SNTG1: variants seen among roughly 807,000 people sequenced by gnomAD.
SNTG1 encodes the protein syntrophin gamma 1.
SNTG1 carries 39 observed loss-of-function variants against 74.7 expected under a neutral mutation model. The observed-to-expected ratio is 0.52, with a 90% CI of 0.40 to 0.68. The LOEUF (loss-of-function observed/expected upper bound fraction) is 0.68, where lower values mean the gene tolerates loss of function less well. Among genes scored for constraint, SNTG1 ranks in the 30% least tolerant of loss-of-function variants. The probability of loss-of-function intolerance (pLI) is 0.00; values close to 1 mark genes in which losing one functional copy is unlikely to be tolerated. For synonymous variants in SNTG1, 254 were observed against 217.1 expected, an observed-to-expected ratio of 1.17 and a Z score of -1.49; for missense variants, 685 against 609.5, an observed-to-expected ratio of 1.12 and a Z score of -1.30.
intron 18 of SNTG1, among the ~76,000 whole-genome samples, chr8:50,764,249 A>G (rs1447650787): frequency 6.6e-6 from 1 of 151,950 alleles, no homozygotes; most frequent in Non-Finnish European, 1.5e-5. Flanking sequence ...AACAATAGCA[A>G]CAACAACAAA....
At chr8:49,916,345 C>T (rs192790874) in intron 1 of SNTG1, among the ~76,000 whole-genome samples, 353 of 152,190 alleles carry the variant, frequency 2.3e-3, no homozygotes, top group South Asian at 4.4e-3. Flanking sequence ...TCAGCACATT[C>T]TACACACTGA....
intron 1 of SNTG1, among the ~76,000 whole-genome samples, chr8:50,087,074 G>A (rs2131123124): frequency 6.6e-6 from 1 of 152,244 alleles, no homozygotes; most frequent in East Asian, 1.9e-4. Context: ...TCAGCTTGAG[G>A]TATTACACCA....
At chr8:50,145,579 C>A (rs2081831045) in intron 1 of SNTG1, among the ~76,000 whole-genome samples, 1 of 152,134 alleles carries the variant, frequency 6.6e-6, no homozygotes, top group African/African-American at 2.4e-5. Flanking sequence ...ACTGCATTTA[C>A]TGTCTTACAG....
rs532097457 is a variant in SNTG1, at chr8:50,280,388, G to A, written c.-28+107753G>A. 1.4e-4 allele frequency among the ~76,000 whole-genome samples: 22 copies of A among 152,322 alleles called. No homozygotes were observed. In the South Asian group the frequency reaches 4.6e-3, roughly 32 times the overall value. On this transcript the variant is annotated intron_variant, in intron 2 of 18. Transcript: ENST00000642720. ...TCTTTTGCAATTTAAATGTCTCAAT[G>A]TTCCAGTGAACTTTCTGAATGACCT...
intron 8 of SNTG1, chr8:50,491,342 T>A (rs2093851460): frequency 6.6e-6 from 1 of 152,310 alleles, no homozygotes; most frequent in Non-Finnish European, 1.5e-5. Context: ...GTACACTTTA[T>A]TATTGGAAAG....
chr8:50,105,049 C>T (rs2080311883), intron 1 of SNTG1, among the ~76,000 whole-genome samples: 1 of 152,054 alleles, frequency 6.6e-6, no homozygotes, highest in South Asian at 2.1e-4. Context: ...TTAATTAGGT[C>T]ATATTTGTCA....
intron 2 of SNTG1, among the ~76,000 whole-genome samples, chr8:50,175,379 T>C (rs1485605931): frequency 6.6e-6 from 1 of 152,178 alleles, no homozygotes; most frequent in Non-Finnish European, 1.5e-5. Flanking sequence ...ACCTCCAGAC[T>C]AAATGGATAT....
At chr8:50,780,787 T>G (rs1344878335) in intron 18 of SNTG1, among the ~76,000 whole-genome samples, 1 of 152,216 alleles carries the variant, frequency 6.6e-6, no homozygotes, top group Non-Finnish European at 1.5e-5. Context: ...TTCTTTTAAT[T>G]GTGATGTTAG....
intron 1 of SNTG1, among the ~76,000 whole-genome samples, chr8:49,917,232 C>T (rs986426104): frequency 2.0e-5 from 3 of 152,084 alleles, no homozygotes; most frequent in Admixed American, 6.5e-5. Flanking sequence ...AATTTAACTG[C>T]TCAGCTATAT....
chr8:50,391,721 A>G (rs961694071), intron 2 of SNTG1, among the ~76,000 whole-genome samples: 6 of 151,970 alleles, frequency 3.9e-5, no homozygotes, highest in Admixed American at 3.9e-4. Context: ...TGGTTGGTAG[A>G]CTATTAATTA....
intron 2 of SNTG1, among the ~76,000 whole-genome samples, chr8:50,324,098 G>A (rs2090639180): frequency 6.6e-6 from 1 of 152,144 alleles, no homozygotes; most frequent in Admixed American, 6.5e-5. Context: ...GGACCCCAGA[G>A]CCCTTCAGCC....
intron 15 of SNTG1, among the ~76,000 whole-genome samples, chr8:50,695,342 T>C (rs1388972349): frequency 6.6e-6 from 1 of 152,000 alleles, no homozygotes; most frequent in Non-Finnish European, 1.5e-5. Flanking sequence ...ATACCGTTTA[T>C]AATAGATACA....
At chr8:50,474,362 C>T (rs1225276167) in intron 8 of SNTG1, among the ~76,000 whole-genome samples, 2 of 150,770 alleles carry the variant, frequency 1.3e-5, no homozygotes, top group Non-Finnish European at 3.0e-5. Context: ...CTACAATGAA[C>T]TCAAACAAAT....
At position 49,938,608 on chromosome 8, in the gene SNTG1, TTTCTTTC is replaced by T. The variant is rs1312972080; in HGVS notation, c.-103+26380_-103+26386del. On this transcript the variant is annotated intron_variant, in intron 1 of 18. Transcript: ENST00000642720. ...TTTTCTTTTCTTTTCTTTTCTTTTCTTTCTTTCTTTCTTTCTTTCTTTCTTTCTTTCT... is the reference window on the plus strand; with the variant it reads ...TTTTCTTTTCTTTTCTTTTCTTTTCTTTTCTTTCTTTCTTTCTTTCTTTCT... Among the ~76,000 whole-genome samples the T allele has an allele frequency of 6.0e-3, 307 of 51,476 alleles. 1 individual carries two copies. Among genetic ancestry groups the T allele is most frequent in the African/African-American group, 0.014 (249 of 18,118 alleles). 33.8% of individuals were successfully genotyped at this position (51,476 alleles called of 152,430 possible).
chr8:50,743,014 T>C (rs1293102692), intron 17 of SNTG1, among the ~76,000 whole-genome samples: 1 of 151,484 alleles, frequency 6.6e-6, no homozygotes, highest in African/African-American at 2.4e-5. Flanking sequence ...ATCATAAATC[T>C]GTCAACAGAG....
chr8:50,592,533 C>T (rs993201521), intron 13 of SNTG1, among the ~76,000 whole-genome samples: 16 of 152,156 alleles, frequency 1.1e-4, no homozygotes, highest in Middle Eastern at 3.4e-3. Context: ...TTGCTTATAC[C>T]CAGGTTTAGA....
intron 1 of SNTG1, among the ~76,000 whole-genome samples, chr8:50,138,672 C>T (rs1260869401): frequency 6.9e-6 from 1 of 145,894 alleles, no homozygotes; most frequent in Non-Finnish European, 1.5e-5. Context: ...AATAATAATT[C>T]CTTGAAAGAC....
intron 9 of SNTG1, among the ~76,000 whole-genome samples, chr8:50,525,043 A>T (rs2130231229): frequency 6.6e-6 from 1 of 152,238 alleles, no homozygotes; most frequent in African/African-American, 2.4e-5. Context: ...TGTCTTTAGC[A>T]ATTTTGTAAA....
chr8:50,783,650 C>T (rs377691852), intron 18 of SNTG1, among the ~76,000 whole-genome samples: 11 of 152,218 alleles, frequency 7.2e-5, no homozygotes, highest in South Asian at 2.1e-4. Flanking sequence ...TTGCACTTCC[C>T]GAGTGAGGCA....
Sources: allele counts gnomAD v4.1 joint callset (sites outside exome capture counted in the v4.1 genomes callset), GRCh38; gene constraint gnomAD v4.1.1; transcripts MANE v1.5; gene names NCBI Gene and HGNC (gene_info 2026-07-23, HGNC 2026-07-21).